IPCEF1: variants seen among roughly 807,000 people sequenced by gnomAD.
The protein encoded by IPCEF1 is interaction protein for cytohesin exchange factors 1.
In IPCEF1, 31 loss-of-function variants were observed where a neutral mutation model predicts 50.9. The ratio of observed to expected loss-of-function variants is 0.61; its 90% CI spans 0.46 to 0.82. The LOEUF is 0.82. Ranked by LOEUF, IPCEF1 falls within the 40% of genes least tolerant of loss-of-function variation. IPCEF1 has a pLI of 0.00. For missense variants in IPCEF1, 458 were observed against 514.0 expected (o/e 0.89, Z 1.05); for synonymous variants, 181 against 192.0 (o/e 0.94, Z 0.47).
At chr6:154,243,938 G>T (rs1780807702) in intron 5 of IPCEF1, among the ~76,000 whole-genome samples, 1 of 152,148 alleles carries the variant, frequency 6.6e-6, no homozygotes, top group Non-Finnish European at 1.5e-5. Context: ...CACCTACCTT[G>T]GCCTAGAGTA....
chr6:154,219,242 G>A (rs1159621894), intron 7 of IPCEF1: 3 of 152,176 alleles, frequency 2.0e-5, no homozygotes, highest in African/African-American at 4.8e-5. Context: ...TGTGTAGGAG[G>A]AGAAATTCAC....
chr6:154,249,907 G>A lies in IPCEF1; in HGVS notation c.37-2419C>T, dbSNP rs1030062340. Reference sequence around the variant, plus strand: ...AGAACAGGCACCCAACTCAAAGAAAGGCTTTTTTTTTGTTTGTTTTTAAGT... The same window carrying A: ...AGAACAGGCACCCAACTCAAAGAAAAGCTTTTTTTTTGTTTGTTTTTAAGT... On this transcript the variant is annotated intron_variant, in intron 3 of 11. Transcript: ENST00000367220. Among the ~76,000 whole-genome samples the A allele has an allele frequency of 2.7e-4, 12 of 44,336 alleles. No homozygotes were observed. In the South Asian group the frequency reaches 2.8e-3, roughly 10 times the overall value. The allele number at this position is 44,336 out of a possible 152,430, so 29.1% of individuals were successfully genotyped here.
intron 10 of IPCEF1, among the ~76,000 whole-genome samples, chr6:154,176,649 A>G (rs1800358894): frequency 6.6e-6 from 1 of 152,240 alleles, no homozygotes. Context: ...ACTACAAACC[A>G]CTGCTCAATG....
chr6:154,330,871 C>A (rs1783642334), intron 1 of IPCEF1, among the ~76,000 whole-genome samples: 1 of 152,140 alleles, frequency 6.6e-6, no homozygotes, highest in Non-Finnish European at 1.5e-5. Context: ...AAAACCTTAA[C>A]AAAGGAATTC....
intron 9 of IPCEF1, among the ~76,000 whole-genome samples, chr6:154,208,016 C>A (rs1777641128): frequency 6.6e-6 from 1 of 152,126 alleles, no homozygotes; most frequent in Middle Eastern, 3.2e-3. Context: ...TTACTGTATA[C>A]CCTCTCTTAG....
chr6:154,250,303 T>G (rs1179127271), intron 3 of IPCEF1, among the ~76,000 whole-genome samples: 1 of 152,140 alleles, frequency 6.6e-6, no homozygotes, highest in Non-Finnish European at 1.5e-5. Context: ...GAGATGGTTT[T>G]TCAATAGGGG....
chr6:154,245,089 A>G (rs991366584), intron 5 of IPCEF1, among the ~76,000 whole-genome samples: 5 of 152,194 alleles, frequency 3.3e-5, no homozygotes, highest in Non-Finnish European at 1.5e-5. Flanking sequence ...ACTCTCTTAC[A>G]ATAGAAGGCA....
rs1416908388 is a variant in IPCEF1, at chr6:154,212,782, C to T, written c.525G>A (p.Gln175=). The change falls in exon 9 of 12, where the codon CAG becomes CAA. Residue 175 remains glutamine (Q), a synonymous_variant. Transcript: ENST00000367220. ...TGTCGGTACATACCAAAGACTGAGT[C>T]TGGGAAGCGTGAGGAGGGGGTGGTG... The part of the protein sequence containing the change: ...AETPPPPHAS[Q]TQSLTAQQAS... 4.3e-6 allele frequency: 7 copies of T among 1,611,396 alleles called. No homozygotes were observed. In the African/African-American group the frequency reaches 5.3e-5, roughly 12 times the overall value.
intron 10 of IPCEF1, among the ~76,000 whole-genome samples, chr6:154,182,890 G>T (rs1202043147): frequency 6.6e-6 from 1 of 152,144 alleles, no homozygotes; most frequent in African/African-American, 2.4e-5. Flanking sequence ...TTCAGGTCAA[G>T]AACAGGGAGG....
intron 1 of IPCEF1, among the ~76,000 whole-genome samples, chr6:154,310,347 T>C (rs1209033471): frequency 6.6e-6 from 1 of 152,240 alleles, no homozygotes; most frequent in Non-Finnish European, 1.5e-5. Flanking sequence ...TTAGAATGGC[T>C]ATTTTCTTTC....
intron 1 of IPCEF1, among the ~76,000 whole-genome samples, chr6:154,347,495 G>T (rs1784053799): frequency 6.6e-6 from 1 of 152,210 alleles, no homozygotes; most frequent in East Asian, 1.9e-4. Flanking sequence ...ACCGTCCCTT[G>T]CAGACAGCAA....
At chr6:154,209,222 T>C (rs574135633) in intron 9 of IPCEF1, among the ~76,000 whole-genome samples, 25 of 152,312 alleles carry the variant, frequency 1.6e-4, no homozygotes, top group African/African-American at 5.8e-4. Flanking sequence ...TATCACAAAA[T>C]GGAAGTACAT....
chr6:154,309,118 C>A (rs1783010316), intron 1 of IPCEF1, among the ~76,000 whole-genome samples: 1 of 152,142 alleles, frequency 6.6e-6, no homozygotes, highest in Admixed American at 6.5e-5. Flanking sequence ...AAGGTGATTT[C>A]TAAAAAAGAA....
At chr6:154,227,089 T>C (rs902314308) in intron 5 of IPCEF1, among the ~76,000 whole-genome samples, 1 of 151,846 alleles carries the variant, frequency 6.6e-6, no homozygotes, top group African/African-American at 2.4e-5. Flanking sequence ...TCCCAGCTAC[T>C]TGGGAGGCTG....
intron 10 of IPCEF1, among the ~76,000 whole-genome samples, chr6:154,179,615 C>T (rs1280961927): frequency 6.6e-6 from 1 of 152,164 alleles, no homozygotes; most frequent in Non-Finnish European, 1.5e-5. Context: ...CATAAAACAG[C>T]AGGACTTTGA....
intron 2 of IPCEF1, among the ~76,000 whole-genome samples, chr6:154,281,182 TACAAAAAA>T (rs956095018): frequency 4.2e-4 from 8 of 18,856 alleles, no homozygotes; most frequent in African/African-American, 1.3e-3. Context: ...CCTACTAAAA[TACAAAAAA>T]AAAAAAAAAA....
intron 5 of IPCEF1, among the ~76,000 whole-genome samples, chr6:154,225,790 G>A (rs748353494): frequency 1.2e-4 from 19 of 152,320 alleles, no homozygotes; most frequent in Non-Finnish European, 2.2e-4. Flanking sequence ...AGGCTAAGGC[G>A]TTTTTATGTA....
intron 5 of IPCEF1, among the ~76,000 whole-genome samples, chr6:154,239,980 G>C (rs538180323): frequency 6.6e-6 from 1 of 152,182 alleles, no homozygotes; most frequent in South Asian, 2.1e-4. Context: ...GGGACTACAG[G>C]CGTGAGCCAC....
chr6:154,249,982 A>C (rs1237957376), intron 3 of IPCEF1, among the ~76,000 whole-genome samples: 1 of 152,042 alleles, frequency 6.6e-6, no homozygotes, highest in Non-Finnish European at 1.5e-5. Context: ...TGTTCTGACA[A>C]TAATTCTCTT....
Sources: allele counts gnomAD v4.1 joint callset (sites outside exome capture counted in the v4.1 genomes callset), GRCh38; gene constraint gnomAD v4.1.1; transcripts MANE v1.5; gene names NCBI Gene and HGNC (gene_info 2026-07-23, HGNC 2026-07-21).